The following CASS4 variants were observed in gnomAD, a reference collection of about 807,000 sequenced individuals.
CASS4 encodes Cas scaffold protein family member 4, also known as cas scaffolding protein family member 4.
CASS4 carries 22 observed loss-of-function variants against 54.2 expected under a neutral mutation model. That is an observed-to-expected ratio of 0.41 (90% CI 0.29 to 0.58). CASS4 has a LOEUF of 0.58. CASS4 is among the 20% of genes least tolerant of loss of function. The pLI is 0.36. For synonymous variants in CASS4, 409 were observed against 391.5 expected (o/e 1.04, Z -0.53); for missense variants, 854 against 986.7 (o/e 0.87, Z 1.80).
chr20:56,457,646 T>G (rs1981363627), intron 5 of CASS4, among the ~76,000 whole-genome samples: 1 of 152,208 alleles, frequency 6.6e-6, no homozygotes, highest in African/African-American at 2.4e-5. Flanking sequence ...AGAGGATTTT[T>G]GGCTTTTTAA....
At chr20:56,456,651 A>T (rs1251947458) in intron 5 of CASS4, among the ~76,000 whole-genome samples, 1 of 152,074 alleles carries the variant, frequency 6.6e-6, no homozygotes. Context: ...CTGGGATTAC[A>T]GGTGTGAGTC....
chr20:56,422,516 T>A (rs1253281360), intron 1 of CASS4, among the ~76,000 whole-genome samples: 1 of 152,244 alleles, frequency 6.6e-6, no homozygotes, highest in Non-Finnish European at 1.5e-5. Flanking sequence ...CATGTCGATC[T>A]GGGTAACACC....
chr20:56,442,893 T>C (rs996004733), intron 2 of CASS4, among the ~76,000 whole-genome samples: 14 of 151,808 alleles, frequency 9.2e-5, no homozygotes, highest in Admixed American at 5.2e-4. Flanking sequence ...CAAGAAGCAC[T>C]GGGCATTTTT....
chr20:56,445,973 C>G lies in CASS4; in HGVS notation c.533C>G (p.Thr178Ser), dbSNP rs769966727. 1 of 1,613,966 alleles carries G rather than the reference C, an allele frequency of 6.2e-7. No individual in the cohort carries two copies. Among genetic ancestry groups the G allele is most frequent in the Non-Finnish European group, 8.5e-7 (1 of 1,179,994 alleles). The change falls in exon 3 of 6, where the codon ACC becomes AGC. Residue 178 changes from threonine to serine, a missense_variant. Coordinates refer to ENST00000679887, the MANE Select transcript of CASS4 (RefSeq NM_020356.4). Reference protein sequence around the residue: ...TLPSQVYDVPTQHRGPVVLKE... With the variant: ...TLPSQVYDVPSQHRGPVVLKE... ...CCTTCCCAGGTGTATGACGTGCCTA[C>G]CCAGCACCGGGGCCCCGTGGTCCTG...
rs148206287 is a variant in CASS4, at chr20:56,458,451, G to A, written c.2065G>A (p.Ala689Thr). The change falls in exon 6 of 6, where the codon GCA becomes ACA. Residue 689 changes from alanine to threonine, a missense_variant. By Grantham distance (58) the Ala-to-Thr change is moderately conservative. Transcript: ENST00000679887. ...YFGALFKAIS[A>T]FHGSLSSSQP... ...TGGGGCGCTCTTCAAAGCCATCAGC[G>A]CATTTCACGGCAGCCTCAGCAGCAG... The A allele has an allele frequency of 4.2e-4, 678 of 1,614,152 alleles. No homozygotes were observed. The highest frequency in any genetic ancestry group is 4.6e-4 in the Non-Finnish European group (548 of 1,180,036).
chr20:56,436,817 G>A (rs1980195650), intron 1 of CASS4, among the ~76,000 whole-genome samples: 1 of 152,060 alleles, frequency 6.6e-6, no homozygotes, highest in South Asian at 2.1e-4. Context: ...AGCCCGGGAG[G>A]TCGAGGCTGC....
chr20:56,449,955 G>A (rs1301036505), intron 3 of CASS4, among the ~76,000 whole-genome samples: 1 of 151,532 alleles, frequency 6.6e-6, no homozygotes, highest in African/African-American at 2.4e-5. Flanking sequence ...ATGAACTCAA[G>A]ATAAATTACC....
At chr20:56,434,700 T>C (rs1243641986) in intron 1 of CASS4, among the ~76,000 whole-genome samples, 2 of 151,916 alleles carry the variant, frequency 1.3e-5, no homozygotes, top group South Asian at 2.1e-4. Flanking sequence ...CCCCTCGGCC[T>C]ACCAAAGTGC....
At chr20:56,419,658 T>C (rs1270123418) in intron 1 of CASS4, among the ~76,000 whole-genome samples, 1 of 151,926 alleles carries the variant, frequency 6.6e-6, no homozygotes, top group East Asian at 2.0e-4. Context: ...CTCGAACTCC[T>C]GTTTTTAAGT....
intron 1 of CASS4, among the ~76,000 whole-genome samples, chr20:56,416,479 A>G (rs1979142040): frequency 6.6e-6 from 1 of 152,102 alleles, no homozygotes; most frequent in Non-Finnish European, 1.5e-5. Flanking sequence ...TAGAGTCTGC[A>G]ATGTACTTTA....
chr20:56,417,501 G>C (rs935646023), intron 1 of CASS4, among the ~76,000 whole-genome samples: 1 of 152,160 alleles, frequency 6.6e-6, no homozygotes, highest in Non-Finnish European at 1.5e-5. Flanking sequence ...CACTTATTAA[G>C]ATCTGAAATT....
intron 5 of CASS4, among the ~76,000 whole-genome samples, chr20:56,456,121 G>T (rs562458745): frequency 6.6e-6 from 1 of 151,910 alleles, no homozygotes; most frequent in African/African-American, 2.4e-5. Context: ...ACTTCTCAGT[G>T]GAGGCCCGGG....
At chr20:56,454,361 G>A (rs1981186515) in intron 5 of CASS4, among the ~76,000 whole-genome samples, 1 of 152,244 alleles carries the variant, frequency 6.6e-6, no homozygotes, top group Admixed American at 6.5e-5. Context: ...GTGTTCTGCT[G>A]AAATGCCTGG....
Position 56,430,098 on chromosome 20 carries a change from T to C in CASS4, c.37-7066T>C, listed in dbSNP as rs1471683522. Among the ~76,000 whole-genome samples, 1 of 152,108 alleles carries C rather than the reference T, an allele frequency of 6.6e-6. No homozygotes were observed. Among genetic ancestry groups the C allele is most frequent in the Non-Finnish European group, 1.5e-5 (1 of 68,034 alleles). ...TGATGCTCAATACAATCTTGGTGAA[T>C]GAATGAATGAATGAATTGCTCCCCA... On this transcript the variant is annotated intron_variant, in intron 1 of 5. Transcript: ENST00000679887. This position sits in a 1 kb window ranked among gnomAD's most constrained non-coding sequence, Gnocchi z 4.2.
At chr20:56,450,706 G>A (rs6069753) in intron 4 of CASS4, 27 bp downstream of exon 4, 474,199 of 1,604,082 alleles carry the variant, frequency 0.3, 80,525 homozygotes, top group African/African-American at 0.74. Flanking sequence ...GCTAAGGTGC[G>A]GTGTTATGAA....
chr20:56,450,197 A>G (rs1275582035), intron 3 of CASS4, among the ~76,000 whole-genome samples: 1 of 151,792 alleles, frequency 6.6e-6, no homozygotes, highest in Non-Finnish European at 1.5e-5. Flanking sequence ...ATACCAGGCT[A>G]ATTTTGTATT....
Position 56,453,054 on chromosome 20 carries a change from C to T in CASS4, c.1878C>T (p.Thr626=), listed in dbSNP as rs1053470394. 8.1e-6 allele frequency: 13 copies of T among 1,613,926 alleles called. No homozygotes were observed. Among genetic ancestry groups the T allele is most frequent in the Middle Eastern group, 3.3e-4 (2 of 6,084 alleles). The part of the protein sequence containing the change: ...QRETESHQKS[T]PSTKQREDEH... ...AAACTGAATCACACCAAAAGAGTAC[C>T]CCTTCCACTAAGCAAAGGGAAGATG... Residue 626 remains threonine, a synonymous_variant, in exon 5 of 6, where the codon ACC becomes ACT. Coordinates refer to ENST00000679887, the MANE Select transcript of CASS4 (RefSeq NM_020356.4).
At chr20:56,431,794 A>G (rs1979918165) in intron 1 of CASS4, among the ~76,000 whole-genome samples, 1 of 152,244 alleles carries the variant, frequency 6.6e-6, no homozygotes, top group African/African-American at 2.4e-5. Context: ...ATTTCTAGAC[A>G]AATGCAAGCA....
chr20:56,443,434 A>C (rs138787078), intron 2 of CASS4, among the ~76,000 whole-genome samples: 3,608 of 148,210 alleles, frequency 0.024, 212 homozygotes, highest in African/African-American at 0.088. Flanking sequence ...GCACCACTGC[A>C]CTCTAGCCTG....
Sources: allele counts gnomAD v4.1 joint callset (sites outside exome capture counted in the v4.1 genomes callset), GRCh38; gene constraint gnomAD v4.1.1; non-coding constraint Gnocchi (gnomAD v3.1); transcripts MANE v1.5; gene names NCBI Gene and HGNC (gene_info 2026-07-23, HGNC 2026-07-21).